Variants in LYPLA1 observed in about 807,000 individuals in gnomAD.
LYPLA1 encodes the protein acyl-protein thioesterase 1.
LYPLA1 carries 17 observed loss-of-function variants against 34.0 expected under a neutral mutation model. That is an observed-to-expected ratio of 0.50 (90% confidence interval 0.34 to 0.75). LYPLA1 has a LOEUF of 0.75. Among genes scored for constraint, LYPLA1 ranks in the 30% least tolerant of loss-of-function variants. LYPLA1 has a pLI of 0.01. For missense variants in LYPLA1, 203 were observed against 288.8 expected (o/e 0.70, Z 2.15); for synonymous variants, 98 against 100.8 (o/e 0.97, Z 0.17).
intron 2 of LYPLA1, among the ~76,000 whole-genome samples, chr8:54,071,353 T>C (rs773153239): frequency 1.3e-5 from 2 of 152,188 alleles, no homozygotes; most frequent in East Asian, 1.9e-4. Context: ...GAGTGTTGTA[T>C]GTTGGTTATG....
chr8:54,089,028 A>G (rs1156307687), intron 2 of LYPLA1, among the ~76,000 whole-genome samples: 1 of 152,262 alleles, frequency 6.6e-6, no homozygotes, highest in African/African-American at 2.4e-5. Flanking sequence ...GCAAATCCAC[A>G]GAAACAGAAA....
intron 2 of LYPLA1, among the ~76,000 whole-genome samples, chr8:54,091,210 G>A (rs1443022517): frequency 6.6e-6 from 1 of 152,092 alleles, no homozygotes; most frequent in Non-Finnish European, 1.5e-5. Flanking sequence ...GAACCAGGCA[G>A]GGCATGGTGG....
At chr8:54,077,041 T>TAAA (rs1807961363) in intron 2 of LYPLA1, among the ~76,000 whole-genome samples, 2 of 152,238 alleles carry the variant, frequency 1.3e-5, no homozygotes, top group South Asian at 4.1e-4. Context: ...CATGCATACT[T>TAAA]ACTTTCATTG....
intron 2 of LYPLA1, among the ~76,000 whole-genome samples, chr8:54,091,924 CA>C (rs1328729040): frequency 6.6e-6 from 1 of 152,092 alleles, no homozygotes; most frequent in East Asian, 1.9e-4. Flanking sequence ...CTCATCTCTA[CA>C]AAAACTTTAA....
intron 5 of LYPLA1, among the ~76,000 whole-genome samples, chr8:54,057,871 G>A (rs1293112776): frequency 1.3e-5 from 2 of 152,220 alleles, no homozygotes; most frequent in African/African-American, 4.8e-5. Flanking sequence ...TCTCCATGAT[G>A]TGCTTATTTC....
chr8:54,044,198 T>C (rs1805429116), downstream of LYPLA1, among the ~76,000 whole-genome samples: 1 of 152,116 alleles, frequency 6.6e-6, no homozygotes, highest in Non-Finnish European at 1.5e-5. Context: ...TGCCCAGCCT[T>C]CCTTTTATCT....
chr8:54,096,386 T>C (rs915401677), intron 2 of LYPLA1, among the ~76,000 whole-genome samples: 30 of 152,092 alleles, frequency 2.0e-4, no homozygotes, highest in Admixed American at 2.6e-4. Flanking sequence ...GCAAATCACT[T>C]GAGGTCAGGA....
At chr8:54,063,458 G>GACCAC in intron 3 of LYPLA1, 83 bp from the exon 4 acceptor site, 1 of 796,218 alleles carries the variant, frequency 1.3e-6, no homozygotes, top group South Asian at 1.8e-5. Context: ...ACAGATAATT[G>GACCAC]CTTGAGACCT....
intron 6 of LYPLA1, chr8:54,053,616 G>C: frequency 2.2e-6 from 1 of 456,190 alleles, no homozygotes; most frequent in Non-Finnish European, 4.4e-6. Flanking sequence ...TTTTCTCCTG[G>C]CACTGTGGAA....
At chr8:54,100,660 G>C (rs1170402008) in intron 2 of LYPLA1, 1 of 470,846 alleles carries the variant, frequency 2.1e-6, no homozygotes, top group Non-Finnish European at 3.8e-6. Context: ...AATACCCAAA[G>C]CAACTAATGA....
At chr8:54,044,560 C>T (rs2129318649), downstream of LYPLA1, among the ~76,000 whole-genome samples, 1 of 152,200 alleles carries the variant, frequency 6.6e-6, no homozygotes, top group East Asian at 1.9e-4. Context: ...GCAAGTTTCC[C>T]TCCACTTCCC....
intron 2 of LYPLA1, among the ~76,000 whole-genome samples, chr8:54,067,984 GC>G (rs1253488907): frequency 6.6e-6 from 1 of 151,974 alleles, no homozygotes; most frequent in African/African-American, 2.4e-5. Flanking sequence ...ACCATGCCCA[GC>G]CCCCTGTTAA....
At chr8:54,091,587 AGG>A (rs1563663794) in intron 2 of LYPLA1, among the ~76,000 whole-genome samples, 1,495 of 136,954 alleles carry the variant, frequency 0.011, 17 homozygotes, top group African/African-American at 0.031. Context: ...AAGAAAAGGA[AGG>A]AAGGAAGGAA....
intron 2 of LYPLA1, among the ~76,000 whole-genome samples, chr8:54,085,302 G>A (rs930141599): frequency 7.2e-5 from 11 of 152,222 alleles, no homozygotes; most frequent in African/African-American, 2.7e-4. Context: ...ATGTTGCCCA[G>A]GCTGGAGTGC....
intron 2 of LYPLA1, among the ~76,000 whole-genome samples, chr8:54,088,809 T>C (rs1054411555): frequency 6.6e-6 from 1 of 152,226 alleles, no homozygotes; most frequent in Non-Finnish European, 1.5e-5. Context: ...ACTCCTGGCC[T>C]GAAAGGATCC....
chr8:54,051,614 A>AT (rs1465022029), intron 7 of LYPLA1, among the ~76,000 whole-genome samples: 1 of 151,482 alleles, frequency 6.6e-6, no homozygotes, highest in African/African-American at 2.4e-5. Context: ...CGCCCAGCTA[A>AT]TTTTTTTGTA....
intron 2 of LYPLA1, 107 bp downstream of exon 2, chr8:54,100,788 ATTAACTGGCAATC>A: frequency 1.2e-6 from 1 of 811,698 alleles, no homozygotes; most frequent in Non-Finnish European, 2.1e-6. Context: ...TGTAAGATAC[ATTAACTGGCAATC>A]TTAAAATACC....
intron 2 of LYPLA1, among the ~76,000 whole-genome samples, chr8:54,066,300 A>G (rs1807064449): frequency 6.6e-6 from 1 of 152,072 alleles, no homozygotes; most frequent in Non-Finnish European, 1.5e-5. Flanking sequence ...TCTAAAAAGA[A>G]CCCAGCAGCT....
intron 2 of LYPLA1, among the ~76,000 whole-genome samples, chr8:54,088,791 A>C (rs903693559): frequency 3.3e-5 from 5 of 152,348 alleles, no homozygotes; most frequent in African/African-American, 1.2e-4. Flanking sequence ...TGCCCAGGCT[A>C]GACTTGAACT....
Sources: allele counts gnomAD v4.1 joint callset (sites outside exome capture counted in the v4.1 genomes callset), GRCh38; gene constraint gnomAD v4.1.1; transcripts MANE v1.5; gene names NCBI Gene and HGNC (gene_info 2026-07-23, HGNC 2026-07-21).